PMP22: variants seen among roughly 807,000 people sequenced by gnomAD.
PMP22 encodes the protein Charcot-Marie-Tooth neuropathy 1A (greatly reduced nerve conduction velocity, hereditary motor sensory neuropathy Ia).
A neutral mutation model predicts 18.9 loss-of-function variants in PMP22; 2 were observed. The observed-to-expected ratio is 0.11, with a 90% confidence interval of 0.04 to 0.33. The LOEUF is 0.33. PMP22 is among the 10% of genes least tolerant of loss of function. The pLI is 1.00. For missense variants in PMP22, 169 were observed against 202.2 expected (o/e 0.84, Z 1.00); for synonymous variants, 95 against 89.2 (o/e 1.07, Z -0.37).
intron 4 of PMP22, among the ~76,000 whole-genome samples, chr17:15,237,457 G>C (rs1026276521): frequency 5.9e-5 from 9 of 152,144 alleles, no homozygotes; most frequent in African/African-American, 1.9e-4. Context: ...AATGTGACTG[G>C]GTCTTATAGT....
intron 2 of PMP22, among the ~76,000 whole-genome samples, chr17:15,259,486 T>A (rs1909121386): frequency 6.6e-6 from 1 of 152,128 alleles, no homozygotes; most frequent in Admixed American, 6.5e-5. Context: ...CATCTCGGGA[T>A]CATTCCCCAA....
At chr17:15,253,990 G>A (rs1757623774) in intron 3 of PMP22, among the ~76,000 whole-genome samples, 1 of 152,202 alleles carries the variant, frequency 6.6e-6, no homozygotes, top group Admixed American at 6.5e-5. Context: ...TCAAGAAATA[G>A]TCCTGCATGA....
chr17:15,260,768 G>A lies in PMP22; in HGVS notation c.-34-7C>T. 3 of 1,516,012 alleles carry A rather than the reference G, an allele frequency of 2.0e-6. No homozygotes were observed. The highest frequency in any genetic ancestry group is 2.7e-6 in the Non-Finnish European group (3 of 1,114,872). The allele number at this position is 1,516,012 out of a possible 1,614,324, so 93.9% of individuals were successfully genotyped here. The stretch of plus-strand genomic sequence containing the variant: ...TGCTCAGCGGAGTTTCTGCCTGCGA[G>A]GAGAGCGCTGGGCGTGAGGCCGAAC... On this transcript the variant is annotated splice_region_variant and splice_polypyrimidine_tract_variant and intron_variant, in intron 1 of 4. Coordinates refer to ENST00000312280, the MANE Select transcript of PMP22 (RefSeq NM_000304.4).
Position 15,260,650 on chromosome 17 carries a change from G to C in PMP22, c.78C>G (p.Ser26Arg). ...GGGAGCCTCCCCGCCAGGCACTCAC[G>C]CTGACGATCGTGGAGACGAACAGCA... is the stretch of plus-strand genomic sequence containing the variant. ...LVLLFVSTIV[S>R]QWIVGNGHAT... is the part of the protein sequence containing the mutation. The change falls in exon 2 of 5, where the codon AGC (serine) becomes AGG (arginine). Residue 26 changes from serine (S) to arginine (R), a missense_variant and splice_region_variant. Ser to Arg is a moderately radical substitution (Grantham distance 110, BLOSUM62 -1). Coordinates refer to ENST00000312280, the MANE Select transcript of PMP22 (RefSeq NM_000304.4). 6.4e-7 allele frequency: 1 copy of C among 1,551,766 alleles called. No homozygotes were observed. The highest frequency in any genetic ancestry group is 8.7e-7 in the Non-Finnish European group (1 of 1,146,978).
intron 3 of PMP22, among the ~76,000 whole-genome samples, chr17:15,244,004 G>A (rs1200454687): frequency 1.3e-5 from 2 of 151,950 alleles, no homozygotes; most frequent in Admixed American, 6.6e-5. Context: ...ACAATACATA[G>A]TGTTGGCTAT....
intron 2 of PMP22, 185 bp downstream of exon 2, chr17:15,260,465 T>A (rs1909219059): frequency 1.5e-6 from 1 of 661,288 alleles, no homozygotes; most frequent in East Asian, 2.8e-5. Context: ...TTGGTTCCTA[T>A]CACTGAATCT....
chr17:15,246,143 T>TG (rs1907794539), intron 3 of PMP22, among the ~76,000 whole-genome samples: 1 of 152,186 alleles, frequency 6.6e-6, no homozygotes, highest in Non-Finnish European at 1.5e-5. Context: ...ATATCTCCTC[T>TG]CCAGCATAAG....
intron 3 of PMP22, among the ~76,000 whole-genome samples, chr17:15,250,939 T>A (rs1383652981): frequency 2.6e-5 from 4 of 152,174 alleles, no homozygotes; most frequent in African/African-American, 7.2e-5. Flanking sequence ...CTCCCCAGAA[T>A]TCATTCTCAA....
intron 4 of PMP22, among the ~76,000 whole-genome samples, chr17:15,232,090 T>C (rs974408283): frequency 6.6e-6 from 1 of 151,898 alleles, no homozygotes; most frequent in African/African-American, 2.4e-5. Context: ...GTATGCCGTG[T>C]GGGATTCATG....
intron 3 of PMP22, among the ~76,000 whole-genome samples, chr17:15,255,286 C>T (rs2150701818): frequency 6.6e-6 from 1 of 152,296 alleles, no homozygotes; most frequent in East Asian, 1.9e-4. Flanking sequence ...GCCATGCTTC[C>T]CCCAAGGCCG....
intron 3 of PMP22, among the ~76,000 whole-genome samples, chr17:15,254,975 A>T (rs1299001430): frequency 6.6e-6 from 1 of 152,100 alleles, no homozygotes; most frequent in Admixed American, 6.6e-5. Context: ...TAATAATAAG[A>T]CTTACTTATA....
At chr17:15,250,385 G>A (rs1908229252) in intron 3 of PMP22, among the ~76,000 whole-genome samples, 1 of 151,976 alleles carries the variant, frequency 6.6e-6, no homozygotes, top group Non-Finnish European at 1.5e-5. Context: ...TCCTCCCCAA[G>A]TAACTGTATT....
rs112269447 is a variant in PMP22, at chr17:15,239,318, C to G, written c.319+153G>C. The stretch of plus-strand genomic sequence containing the variant: ...AGACACATACAGGTACACACCCACA[C>G]ATACAAGCACCCACCCTCACTTTAT... On this transcript the variant is annotated intron_variant, in intron 4 of 4. Transcript: ENST00000312280. 4.7e-6 allele frequency: 4 copies of G among 853,076 alleles called. No homozygotes were observed. The African/African-American group carries it at 6.6e-5, about 14-fold the overall frequency. 52.8% of individuals were successfully genotyped at this position (853,076 alleles called of 1,614,324 possible).
chr17:15,236,971 C>A (rs2150672745), intron 4 of PMP22, among the ~76,000 whole-genome samples: 1 of 152,302 alleles, frequency 6.6e-6, no homozygotes, highest in African/African-American at 2.4e-5. Context: ...CTCAGCATTT[C>A]AAATTCAAGA....
At chr17:15,260,976 G>A (rs957221097) in intron 1 of PMP22, 5 of 318,480 alleles carry the variant, frequency 1.6e-5, no homozygotes, top group African/African-American at 6.6e-5. Context: ...GCGCCCAGCC[G>A]GGCCCGCCTG....
chr17:15,258,027 C>G lies in PMP22; in HGVS notation c.178+1067G>C, dbSNP rs760573460. On this transcript the variant is annotated intron_variant, in intron 3 of 4. Coordinates refer to ENST00000312280, the MANE Select transcript of PMP22 (RefSeq NM_000304.4). The surrounding 1 kb of genome is among the most constrained non-coding windows in gnomAD (Gnocchi z 4.1). ...CAACTGGATTATGCAAAGCCAGGAC[C>G]AAAGGCCACTTCACTGCCTGTTTTA... 3.7e-4 allele frequency among the ~76,000 whole-genome samples: 57 copies of G among 152,180 alleles called. No individual in the cohort carries two copies. Among genetic ancestry groups the G allele is most frequent in the Non-Finnish European group, 4.1e-4 (28 of 68,034 alleles).
chr17:15,257,594 G>A (rs1054625955), intron 3 of PMP22, among the ~76,000 whole-genome samples: 2 of 152,234 alleles, frequency 1.3e-5, no homozygotes, highest in African/African-American at 4.8e-5. Context: ...CCTAAAGGGG[G>A]AGAAACCGGA....
intron 3 of PMP22, among the ~76,000 whole-genome samples, chr17:15,249,347 G>T (rs1279682818): frequency 6.6e-6 from 1 of 152,122 alleles, no homozygotes; most frequent in African/African-American, 2.4e-5. Context: ...TAGGAAACCA[G>T]GGTACCTGCC....
intron 4 of PMP22, among the ~76,000 whole-genome samples, chr17:15,236,935 C>T (rs1172949057): frequency 6.6e-6 from 1 of 152,168 alleles, no homozygotes; most frequent in Non-Finnish European, 1.5e-5. Flanking sequence ...ACTCTCAGGA[C>T]TTACAAATTA....
Sources: gnomAD v4.1 joint callset for allele counts (sites outside exome capture counted in the v4.1 genomes callset) on GRCh38, gnomAD v4.1.1 for gene constraint, Gnocchi (gnomAD v3.1) non-coding constraint, MANE v1.5 for transcripts, NCBI Gene and HGNC (gene_info 2026-07-23, HGNC 2026-07-21) for gene names.